The following LCN10 variants were observed in gnomAD, a reference collection of about 807,000 sequenced individuals.
LCN10 encodes epididymal-specific lipocalin-10.
Under a neutral mutation model 25.1 loss-of-function variants are expected in LCN10, and 18 were observed. The ratio of observed to expected loss-of-function variants is 0.72; its 90% confidence interval spans 0.50 to 1.06. The LOEUF (loss-of-function observed/expected upper bound fraction) is 1.06. Among genes scored for constraint, LCN10 ranks in the 50% least tolerant of loss-of-function variants. The pLI is 0.00. For missense variants in LCN10, 257 were observed against 258.9 expected (o/e 0.99, Z 0.05); for synonymous variants, 130 against 116.7 (o/e 1.11, Z -0.73).
Position 136,739,663 on chromosome 9 carries a change from G to A in LCN10, c.575-110C>T, listed in dbSNP as rs1033744464. 9.4e-7 allele frequency: 1 copy of A among 1,060,202 alleles called. No individual in the cohort carries two copies. Among genetic ancestry groups the A allele is most frequent in the African/African-American group, 1.6e-5 (1 of 63,552 alleles). The allele number at this position is 1,060,202 out of a possible 1,614,324, so 65.7% of individuals were successfully genotyped here. On this transcript the variant is annotated intron_variant, in intron 5 of 5. Coordinates refer to ENST00000497771, the MANE Select transcript of LCN10 (RefSeq NM_001001712.3). This position sits in a 1 kb window ranked among gnomAD's most constrained non-coding sequence, Gnocchi z 6.1. ...CTGGTTCCATGCGTGCTCGTCTTGGGCACCACGAGAACACAGCCATGCAGC... is the reference window on the plus strand; with the variant it reads ...CTGGTTCCATGCGTGCTCGTCTTGGACACCACGAGAACACAGCCATGCAGC...
Position 136,741,887 on chromosome 9 carries a change from A to G in LCN10, c.251T>C (p.Phe84Ser). 1 of 1,605,794 alleles carries G rather than the reference A, an allele frequency of 6.2e-7. No homozygotes were observed. The highest frequency in any genetic ancestry group is 1.1e-5 in the South Asian group (1 of 89,224). ...GGGGGCGCTGCCCACTCACCGTCTG[A>G]AGGCGAGGAGCACGCGGAGCTGGCC... ...KVGQLRVLLA[F>S]RRLKGCQSQE... is the part of the protein sequence containing the mutation. The change falls in exon 2 of 6, where the codon TTC becomes TCC. Residue 84 changes from phenylalanine (F) to serine (S), a missense_variant. Coordinates refer to ENST00000497771, the MANE Select transcript of LCN10 (RefSeq NM_001001712.3).
At position 136,741,365 on chromosome 9, in the gene LCN10, G is replaced by T; in HGVS notation, c.258-4C>A. The T allele has an allele frequency of 6.2e-7, 1 of 1,603,506 alleles. No individual in the cohort carries two copies. The stretch of plus-strand genomic sequence containing the variant: ...CTGGGACTGGCACCCCTTCAACCTG[G>T]GGCCAAGGCGGGGGCTCAGGCTGCA... On this transcript the variant is annotated splice_polypyrimidine_tract_variant and splice_region_variant and intron_variant, in intron 2 of 5. Transcript: ENST00000497771.
Position 136,739,583 on chromosome 9 carries a change from G to A in LCN10, c.575-30C>T, listed in dbSNP as rs749306366. 9.4e-6 allele frequency: 15 copies of A among 1,588,644 alleles called. No individual in the cohort carries two copies. The African/African-American group carries it at 1.9e-4, about 20-fold the overall frequency. Reference sequence around the variant, plus strand: ...GGGAGAGGAAAACAGCCACATGTGGGCTGGCTGCTTGGAGGAGACACATGA... The same window carrying A: ...GGGAGAGGAAAACAGCCACATGTGGACTGGCTGCTTGGAGGAGACACATGA... On this transcript the variant is annotated intron_variant, in intron 5 of 5. Transcript: ENST00000497771. The surrounding 1 kb of genome is among the most constrained non-coding windows in gnomAD (Gnocchi z 6.1).
In LCN10 at chr9:136,741,906, G is replaced by C. The variant is rs1188442308; in HGVS notation, c.232C>G (p.Leu78Val). 1 of 1,608,760 alleles carries C rather than the reference G, an allele frequency of 6.2e-7. No homozygotes were observed. Among genetic ancestry groups the C allele is most frequent in the Admixed American group, 1.7e-5 (1 of 59,450 alleles). ...CGTCTGAAGGCGAGGAGCACGCGGA[G>C]CTGGCCCACTTTGTTCACCTTTACC... ...SVVKVNKVGQ[L>V]RVLLAFRRLK... Residue 78 changes from leucine to valine, a missense_variant, in exon 2 of 6, where the codon CTC becomes GTC. By Grantham distance (32) the Leu-to-Val change is conservative. Coordinates refer to ENST00000497771, the MANE Select transcript of LCN10 (RefSeq NM_001001712.3).
chr9:136,738,489 G>A lies in LCN10; in HGVS notation c.*1036C>T, dbSNP rs1846861457. Reference sequence around the variant, plus strand: ...GGGGCTGACCCCTTACCCCGTCATGGCTGAGGACTCGGGTTCAGGGTTTCT... The same window carrying A: ...GGGGCTGACCCCTTACCCCGTCATGACTGAGGACTCGGGTTCAGGGTTTCT... On this transcript the variant is annotated 3_prime_UTR_variant, in exon 6 of 6. Transcript: ENST00000497771. 1 of 152,218 alleles carries A rather than the reference G, an allele frequency of 6.6e-6. No individual in the cohort carries two copies. Among genetic ancestry groups the A allele is most frequent in the African/African-American group, 2.4e-5 (1 of 41,444 alleles). 9.4% of individuals were successfully genotyped at this position (152,218 alleles called of 1,614,324 possible). A position where few individuals can be genotyped will look rare whatever the true frequency, so the allele number is the denominator to read the frequency against.
At position 136,739,872 on chromosome 9, in the gene LCN10, C is replaced by G. The variant is rs531442331; in HGVS notation, c.574+78G>C. On this transcript the variant is annotated intron_variant, in intron 5 of 5. Coordinates refer to ENST00000497771, the MANE Select transcript of LCN10 (RefSeq NM_001001712.3). The surrounding 1 kb of genome is among the most constrained non-coding windows in gnomAD (Gnocchi z 6.1). ...CTTTCAAATGGATCCTTTCATCTCT[C>G]CTTCCCCCAATGAATCAGCTCCCCA... The G allele has an allele frequency of 2.4e-4, 281 of 1,161,560 alleles. 1 individual carries two copies. In the African/African-American group the frequency reaches 3.9e-3, roughly 16 times the overall value. 72.0% of individuals were successfully genotyped at this position (1,161,560 alleles called of 1,614,324 possible). A position where few individuals can be genotyped will look rare whatever the true frequency, so the allele number is the denominator to read the frequency against.
rs1846907219 is a variant in LCN10 at position 136,740,403 on chromosome 9, T to C, written c.476-355A>G. 2 of 433,826 alleles carry C rather than the reference T, an allele frequency of 4.6e-6. No homozygotes were observed. The highest frequency in any genetic ancestry group is 8.6e-6 in the Non-Finnish European group (2 of 232,838). 26.9% of individuals were successfully genotyped at this position (433,826 alleles called of 1,614,324 possible). On this transcript the variant is annotated intron_variant, in intron 4 of 5. Transcript: ENST00000497771. This position sits in a 1 kb window ranked among gnomAD's most constrained non-coding sequence, Gnocchi z 5.3. ...TACCCGTTCCAACCGGGAGGGCCAC[T>C]CCTTTCCGTGTACCCCAAGTGGTTG...
Position 136,740,388 on chromosome 9 carries a change from A to T in LCN10, c.476-340T>A, listed in dbSNP as rs572552903. ...ACCCCACCTCCCCTCTACCCGTTCC[A>T]ACCGGGAGGGCCACTCCTTTCCGTG... is the stretch of plus-strand genomic sequence containing the variant. On this transcript the variant is annotated intron_variant, in intron 4 of 5. Transcript: ENST00000497771. This position sits in a 1 kb window ranked among gnomAD's most constrained non-coding sequence, Gnocchi z 5.3. The T allele has an allele frequency of 2.3e-6, 1 of 441,402 alleles. No homozygotes were observed. The highest frequency in any genetic ancestry group is 2.0e-5 in the African/African-American group (1 of 50,530). The allele number at this position is 441,402 out of a possible 1,614,324, so 27.3% of individuals were successfully genotyped here.
At position 136,740,011 on chromosome 9, in the gene LCN10, T is replaced by A; in HGVS notation, c.513A>T (p.Glu171Asp). The A allele has an allele frequency of 6.3e-7, 1 of 1,588,524 alleles. No homozygotes were observed. Among genetic ancestry groups the A allele is most frequent in the Non-Finnish European group, 8.6e-7 (1 of 1,167,144 alleles). Residue 171 changes from glutamate to aspartate, a missense_variant, in exon 5 of 6, where the codon GAA (glutamate) becomes GAT (aspartate). By Grantham distance (45) the Glu-to-Asp change is conservative. Coordinates refer to ENST00000497771, the MANE Select transcript of LCN10 (RefSeq NM_001001712.3). This position sits in a 1 kb window ranked among gnomAD's most constrained non-coding sequence, Gnocchi z 5.3. The stretch of plus-strand genomic sequence containing the variant: ...CCAGAATGTCACAAGCGTCCATGAA[T>A]TCCTTCAGACTCTGGAAGCTCGAAA... ...QNVSSFQSLK[E>D]FMDACDILGL...
chr9:136,741,180 G>T, intron 3 of LCN10, 72 bp downstream of exon 3: 1 of 1,329,242 alleles, frequency 7.5e-7, no homozygotes, highest in Non-Finnish European at 1.1e-6. Flanking sequence ...CGGGGACAAG[G>T]GGCCTGCTCA....
rs773318619 is a variant in LCN10 at position 136,741,880 on chromosome 9, C to G, written c.257+1G>C. 6.2e-7 allele frequency: 1 copy of G among 1,603,676 alleles called. No individual in the cohort carries two copies. Among genetic ancestry groups the G allele is most frequent in the South Asian group, 1.1e-5 (1 of 88,900 alleles). On this transcript the variant is annotated splice_donor_variant, in intron 2 of 5. Transcript: ENST00000497771. LOFTEE classifies it high-confidence loss of function. ...TTGCCTGGGGGGCGCTGCCCACTCA[C>G]CGTCTGAAGGCGAGGAGCACGCGGA...
chr9:136,739,901 G>A lies in LCN10; in HGVS notation c.574+49C>T. On this transcript the variant is annotated intron_variant, in intron 5 of 5. Coordinates refer to ENST00000497771, the MANE Select transcript of LCN10 (RefSeq NM_001001712.3). This position sits in a 1 kb window ranked among gnomAD's most constrained non-coding sequence, Gnocchi z 6.1. The stretch of plus-strand genomic sequence containing the variant: ...CCCCCAATGAATCAGCTCCCCAATG[G>A]GACGGGCAGGTAGGGCCAGGAGGGC... 7.3e-7 allele frequency: 1 copy of A among 1,378,584 alleles called. No individual in the cohort carries two copies. The highest frequency in any genetic ancestry group is 1.2e-5 in the South Asian group (1 of 80,732). 85.4% of individuals were successfully genotyped at this position (1,378,584 alleles called of 1,614,324 possible). A position where few individuals can be genotyped will look rare whatever the true frequency, so the allele number is the denominator to read the frequency against.
At chr9:136,742,114 A>T in intron 1 of LCN10, 94 bp from the exon 2 acceptor site, 8 of 1,492,154 alleles carry the variant, frequency 5.4e-6, no homozygotes, top group Non-Finnish European at 3.6e-6. Flanking sequence ...GAGACAAATG[A>T]CCCTTCTGTG....
chr9:136,741,049 G>T, intron 3 of LCN10, 106 bp from the exon 4 acceptor site: 1 of 1,110,888 alleles, frequency 9.0e-7, no homozygotes, highest in Non-Finnish European at 1.3e-6. Flanking sequence ...CCACCCAGGT[G>T]CAGGTGTCCA....
intron 1 of LCN10, 22 bp downstream of exon 1, chr9:136,742,765 G>C: frequency 6.2e-7 from 1 of 1,612,444 alleles, no homozygotes; most frequent in Non-Finnish European, 8.5e-7. Flanking sequence ...CCCGGCTCAG[G>C]GACCAGTGGC....
chr9:136,740,710 C>T lies in LCN10; in HGVS notation c.475+126G>A. 1.4e-6 allele frequency: 1 copy of T among 696,718 alleles called. No homozygotes were observed. The highest frequency in any genetic ancestry group is 2.4e-6 in the Non-Finnish European group (1 of 414,840). 43.2% of individuals were successfully genotyped at this position (696,718 alleles called of 1,614,324 possible). A position where few individuals can be genotyped will look rare whatever the true frequency, so the allele number is the denominator to read the frequency against. On this transcript the variant is annotated intron_variant, in intron 4 of 5. Coordinates refer to ENST00000497771, the MANE Select transcript of LCN10 (RefSeq NM_001001712.3). This position sits in a 1 kb window ranked among gnomAD's most constrained non-coding sequence, Gnocchi z 5.3. The stretch of plus-strand genomic sequence containing the variant: ...TCGGCTTCCATTGCCCCTGCCCTGA[C>T]CACCGCCCCAACCCCCACTCTCCCT...
rs934640228 is a variant in LCN10, at chr9:136,739,448, C to A, written c.*77G>T. 6.7e-7 allele frequency: 1 copy of A among 1,493,632 alleles called. No individual in the cohort carries two copies. 92.5% of individuals were successfully genotyped at this position (1,493,632 alleles called of 1,614,324 possible). On this transcript the variant is annotated 3_prime_UTR_variant, in exon 6 of 6. Coordinates refer to ENST00000497771, the MANE Select transcript of LCN10 (RefSeq NM_001001712.3). The surrounding 1 kb of genome is among the most constrained non-coding windows in gnomAD (Gnocchi z 6.1). ...ACACCTCTCAACAAGCCGTGGTCTC[C>A]ACTTGACATCTGGAACAACGCTCCT...
intron 1 of LCN10, 151 bp downstream of exon 1, chr9:136,742,636 G>A (rs1846963995): frequency 3.1e-6 from 3 of 980,964 alleles, no homozygotes; most frequent in Non-Finnish European, 1.5e-6. Flanking sequence ...CCCCTGTGCT[G>A]GAGGCTGCAG....
intron 1 of LCN10, chr9:136,742,525 C>T (rs1305200585): frequency 1.5e-5 from 8 of 547,940 alleles, no homozygotes; most frequent in South Asian, 5.0e-5. Flanking sequence ...CCGACCTCCT[C>T]GGCCACAGCT....
Sources: gnomAD v4.1 joint callset for allele counts on GRCh38, gnomAD v4.1.1 for gene constraint, Gnocchi (gnomAD v3.1) non-coding constraint, MANE v1.5 for transcripts, NCBI Gene and HGNC (gene_info 2026-07-23, HGNC 2026-07-21) for gene names.